HSD17B12: variants seen among roughly 807,000 people sequenced by gnomAD.
HSD17B12 encodes very-long-chain 3-oxoacyl-CoA reductase.
A neutral mutation model predicts 39.3 loss-of-function variants in HSD17B12; 32 were observed. The ratio of observed to expected loss-of-function variants is 0.81; its 90% CI spans 0.61 to 1.09. HSD17B12 has a LOEUF of 1.09. Among genes scored for constraint, HSD17B12 ranks in the 50% least tolerant of loss-of-function variants. HSD17B12 has a pLI of 0.00. For synonymous variants in HSD17B12, 150 were observed against 146.7 expected, an observed-to-expected ratio of 1.02 and a Z score of -0.16; for missense variants, 342 against 382.9, an observed-to-expected ratio of 0.89 and a Z score of 0.89.
intron 4 of HSD17B12, among the ~76,000 whole-genome samples, chr11:43,800,956 TGACG>T (rs1425557316): frequency 6.6e-6 from 1 of 151,970 alleles, no homozygotes; most frequent in East Asian, 1.9e-4. Context: ...CTGGCTAACA[TGACG>T]AAACCCCATC....
chr11:43,815,478 T>C lies in HSD17B12; in HGVS notation c.433T>C (p.Leu145=). Residue 145 remains leucine (L), a synonymous_variant, in exon 5 of 11, where the codon TTG becomes CTG. Coordinates refer to ENST00000278353, the MANE Select transcript of HSD17B12 (RefSeq NM_016142.3). ...GMSYEYPEYF[L]DVPDLDNVIK... Reference sequence around the variant, plus strand: ...GTCGTATGAGTATCCTGAATACTTTTTGGATGTTCCTGACTTGGACAATGT... The same window carrying C: ...GTCGTATGAGTATCCTGAATACTTTCTGGATGTTCCTGACTTGGACAATGT... 3 of 1,581,434 alleles carry C rather than the reference T, an allele frequency of 1.9e-6. No individual in the cohort carries two copies. Among genetic ancestry groups the C allele is most frequent in the Middle Eastern group, 1.7e-4 (1 of 5,972 alleles).
In HSD17B12 at chr11:43,819,251, G is replaced by T. The variant is rs926079514; in HGVS notation, c.501+2860G>T. On this transcript the variant is annotated intron_variant, in intron 6 of 10. Coordinates refer to ENST00000278353, the MANE Select transcript of HSD17B12 (RefSeq NM_016142.3). ...CCTGCTTGTCTACACTTACATGTTT[G>T]TATACTCTTATGGTGTAAAACCCTG... is the stretch of plus-strand genomic sequence containing the variant. 2.6e-5 allele frequency among the ~76,000 whole-genome samples: 4 copies of T among 152,182 alleles called. No homozygotes were observed. The South Asian group carries it at 8.3e-4, about 32-fold the overall frequency.
intron 3 of HSD17B12, among the ~76,000 whole-genome samples, chr11:43,762,559 A>G (rs1044560199): frequency 2.6e-5 from 4 of 152,226 alleles, no homozygotes; most frequent in Admixed American, 1.3e-4. Flanking sequence ...AAATGTAGCA[A>G]CCACCTGTTA....
chr11:43,625,615 A>C, the HSD17B12 span, among the ~76,000 whole-genome samples: 2 of 151,532 alleles, frequency 1.3e-5, no homozygotes, highest in African/African-American at 2.4e-5. Context: ...AAAAGAAACA[A>C]CCAAATTATA....
chr11:43,753,064 C>G (rs1950479475), intron 2 of HSD17B12, among the ~76,000 whole-genome samples: 1 of 152,086 alleles, frequency 6.6e-6, no homozygotes, highest in African/African-American at 2.4e-5. Flanking sequence ...TAGAATATTT[C>G]ACTAAATAGT....
At chr11:43,588,104 C>A in the HSD17B12 span, among the ~76,000 whole-genome samples, 48 of 152,342 alleles carry the variant, frequency 3.2e-4, no homozygotes, top group African/African-American at 1.1e-3. Context: ...TCCCTGCTTT[C>A]AGCATCTTCA....
chr11:43,794,837 G>A (rs1950902072), intron 3 of HSD17B12, among the ~76,000 whole-genome samples: 2 of 152,118 alleles, frequency 1.3e-5, no homozygotes, highest in Admixed American at 6.5e-5. Flanking sequence ...ACACACTTGT[G>A]GGATATTGAT....
chr11:43,701,820 G>A (rs967782394), intron 1 of HSD17B12, among the ~76,000 whole-genome samples: 1 of 152,066 alleles, frequency 6.6e-6, no homozygotes, highest in Non-Finnish European at 1.5e-5. Context: ...TGGGTCTTTT[G>A]TGGTTCTGTA....
the HSD17B12 span, among the ~76,000 whole-genome samples, chr11:43,575,106 C>A: frequency 6.6e-6 from 1 of 152,170 alleles, no homozygotes; most frequent in Non-Finnish European, 1.5e-5. The surrounding 1 kb of genome is among the most constrained non-coding windows in gnomAD (Gnocchi z 4.1). Context: ...TGGCTGCTGG[C>A]CATTTGCAAA....
chr11:43,637,614 A>G, the HSD17B12 span, among the ~76,000 whole-genome samples: 2 of 152,146 alleles, frequency 1.3e-5, no homozygotes, highest in Admixed American at 1.3e-4. Flanking sequence ...TCATGGTCTT[A>G]ATGGAAAGGA....
rs766589441 is a variant in HSD17B12, at chr11:43,816,337, T to C, written c.457-10T>C. 6.7e-7 allele frequency: 1 copy of C among 1,489,414 alleles called. No homozygotes were observed. Among genetic ancestry groups the C allele is most frequent in the Non-Finnish European group, 9.1e-7 (1 of 1,099,308 alleles). 92.3% of individuals were successfully genotyped at this position (1,489,414 alleles called of 1,614,324 possible). On this transcript the variant is annotated splice_polypyrimidine_tract_variant and intron_variant, in intron 5 of 10. Transcript: ENST00000278353. ...CAAGTGTATATAAAATTCTCAATAT[T>C]TTTTTGCAGGTGATCAAGAAAATGA...
chr11:43,762,296 A>G (rs913387358), intron 3 of HSD17B12, among the ~76,000 whole-genome samples: 28 of 152,242 alleles, frequency 1.8e-4, no homozygotes, highest in African/African-American at 6.3e-4. Flanking sequence ...ATTTTGGAAT[A>G]TAGAGTCCTA....
the HSD17B12 span, among the ~76,000 whole-genome samples, chr11:43,667,087 A>G: frequency 6.6e-6 from 1 of 152,248 alleles, no homozygotes; most frequent in East Asian, 1.9e-4. Context: ...TTCATAAGTA[A>G]TAAATTAAGA....
At chr11:43,718,125 G>A (rs993267630) in intron 1 of HSD17B12, among the ~76,000 whole-genome samples, 1 of 152,104 alleles carries the variant, frequency 6.6e-6, no homozygotes, top group Non-Finnish European at 1.5e-5. Flanking sequence ...AATTATGTTG[G>A]TCAAAGCAAG....
chr11:43,718,851 A>T (rs1249540982), intron 1 of HSD17B12: 1 of 872,208 alleles, frequency 1.1e-6, no homozygotes, highest in African/African-American at 1.6e-5. Flanking sequence ...AAGCAGCCCA[A>T]ATATCCTCGG....
intron 3 of HSD17B12, among the ~76,000 whole-genome samples, chr11:43,794,263 A>G (rs1347549779): frequency 2.0e-5 from 3 of 152,198 alleles, no homozygotes; most frequent in African/African-American, 7.2e-5. Context: ...TGTATATATC[A>G]TGGAATTCTT....
the HSD17B12 span, among the ~76,000 whole-genome samples, chr11:43,568,903 T>A: frequency 1.3e-5 from 2 of 152,150 alleles, no homozygotes; most frequent in Non-Finnish European, 2.9e-5. Context: ...TGATATTGAG[T>A]CATTTGGGAA....
chr11:43,725,086 A>G (rs1950209211), intron 1 of HSD17B12, among the ~76,000 whole-genome samples: 1 of 152,150 alleles, frequency 6.6e-6, no homozygotes, highest in Non-Finnish European at 1.5e-5. Context: ...TGGAGCTTAT[A>G]GTTATTTTAA....
At chr11:43,822,557 C>T (rs1951193179) in intron 6 of HSD17B12, among the ~76,000 whole-genome samples, 1 of 152,110 alleles carries the variant, frequency 6.6e-6, no homozygotes, top group Admixed American at 6.5e-5. Flanking sequence ...TGTTCAATTC[C>T]CACCTGTGAG....
Sources: gnomAD v4.1 joint callset for allele counts (sites outside exome capture counted in the v4.1 genomes callset) on GRCh38, gnomAD v4.1.1 for gene constraint, Gnocchi (gnomAD v3.1) non-coding constraint, MANE v1.5 for transcripts, NCBI Gene and HGNC (gene_info 2026-07-23, HGNC 2026-07-21) for gene names.